The following TAFA2 variants were observed in gnomAD, a reference collection of about 807,000 sequenced individuals.
TAFA2 encodes the protein TAFA chemokine like family member 2.
Under a neutral mutation model 18.8 loss-of-function variants are expected in TAFA2, and 7 were observed. The ratio of observed to expected loss-of-function variants is 0.37; its 90% CI spans 0.21 to 0.70. TAFA2 has a LOEUF of 0.70. Among genes scored for constraint, TAFA2 ranks in the 30% least tolerant of loss-of-function variants. The pLI is 0.53. For missense variants in TAFA2, 122 were observed against 158.1 expected (o/e 0.77, Z 1.23); for synonymous variants, 60 against 54.2 (o/e 1.11, Z -0.47).
At chr12:62,205,566 G>T (rs886592355) in intron 1 of TAFA2, among the ~76,000 whole-genome samples, 2 of 152,212 alleles carry the variant, frequency 1.3e-5, no homozygotes, top group African/African-American at 4.8e-5. Flanking sequence ...ACCCAGTGAG[G>T]AGGGATGGGT....
chr12:61,804,079 C>T (rs1871510688), intron 2 of TAFA2, among the ~76,000 whole-genome samples: 1 of 151,896 alleles, frequency 6.6e-6, no homozygotes, highest in Non-Finnish European at 1.5e-5. Context: ...TTCAAAGATT[C>T]CTAGTCAAAA....
At chr12:61,955,558 C>T (rs1395727446) in intron 1 of TAFA2, among the ~76,000 whole-genome samples, 34 of 120,904 alleles carry the variant, frequency 2.8e-4, no homozygotes, top group Middle Eastern at 7.0e-3. Flanking sequence ...GCTAAGATCA[C>T]GCCACTGCAC....
At chr12:62,117,472 T>C (rs1330765281) in intron 1 of TAFA2, among the ~76,000 whole-genome samples, 30 of 152,232 alleles carry the variant, frequency 2.0e-4, no homozygotes, top group Admixed American at 2.0e-3. Context: ...AAATTCCACA[T>C]ATTGACTCAC....
chr12:62,193,656 T>TA (rs368936760), upstream of TAFA2, among the ~76,000 whole-genome samples: 253 of 152,350 alleles, frequency 1.7e-3, 1 homozygote, highest in African/African-American at 5.8e-3. Context: ...CCACCGATTT[T>TA]ATAAAGTTTT....
chr12:61,780,922 T>C (rs191709501), intron 2 of TAFA2, among the ~76,000 whole-genome samples: 328 of 151,892 alleles, frequency 2.2e-3, no homozygotes, highest in African/African-American at 7.4e-3. Context: ...ATCAACTGCT[T>C]GGACAGCTCA....
intron 1 of TAFA2, among the ~76,000 whole-genome samples, chr12:62,224,324 T>C (rs78127849): frequency 6.6e-6 from 1 of 152,132 alleles, no homozygotes; most frequent in East Asian, 1.9e-4. Context: ...GGGTGGCTTA[T>C]CAATAATAGA....
At chr12:61,813,934 T>C (rs1260580149) in intron 2 of TAFA2, among the ~76,000 whole-genome samples, 2 of 151,520 alleles carry the variant, frequency 1.3e-5, no homozygotes, top group Non-Finnish European at 2.9e-5. Context: ...TATTGAGACA[T>C]TCATTTGCAA....
At chr12:62,245,990 CTT>C (rs376867882) in intron 1 of TAFA2, among the ~76,000 whole-genome samples, 13 of 140,628 alleles carry the variant, frequency 9.2e-5, no homozygotes, top group Admixed American at 1.4e-4. Context: ...ATTGTTATTC[CTT>C]TTTTTTTTTT....
intron 4 of TAFA2, among the ~76,000 whole-genome samples, chr12:61,734,283 A>C (rs1868267824): frequency 6.8e-6 from 1 of 147,058 alleles, no homozygotes; most frequent in Non-Finnish European, 1.5e-5. Context: ...CAAATACCGC[A>C]TGTTCTCACT....
chr12:62,191,202 A>G (rs997460696), intron 1 of TAFA2, 57 bp downstream of exon 1: 6 of 151,586 alleles, frequency 4.0e-5, no homozygotes, highest in Non-Finnish European at 7.4e-5. Flanking sequence ...GCGGTCCTGC[A>G]GTTGCCGCTC....
At chr12:61,760,075 C>T (rs1291177895) in intron 2 of TAFA2, among the ~76,000 whole-genome samples, 7 of 137,746 alleles carry the variant, frequency 5.1e-5, no homozygotes, top group South Asian at 2.3e-4. Flanking sequence ...CTGCCCAGTG[C>T]TTTTTTTTTT....
rs181558760 is a variant in TAFA2, at chr12:61,867,337, C to A, written c.89G>T (p.Ser30Ile). The change falls in exon 2 of 5, where the codon AGT (serine) becomes ATT (isoleucine). Residue 30 changes from serine to isoleucine, a missense_variant. By Grantham distance (142) the Ser-to-Ile change is moderately radical. Around this residue, in one of 2 missense-constraint regions of TAFA2, gnomAD observed 62 missense variants for 55.5 expected, o/e 1.12. Transcript: ENST00000416284. ...IVTLWGKVVS[S>I]ANHHKAHHVK... ...AAGCTTACCTTTATGATGGTTTGCA[C>A]TGGATACAACTTTCCCCCACAAGGT... The A allele has an allele frequency of 1.7e-5, 27 of 1,597,766 alleles. No homozygotes were observed. In the Admixed American group the frequency reaches 4.6e-4, roughly 27 times the overall value.
At chr12:62,203,202 CTGTT>C (rs1565778497) in intron 1 of TAFA2, among the ~76,000 whole-genome samples, 2 of 152,192 alleles carry the variant, frequency 1.3e-5, no homozygotes. Context: ...GTCTGAGAGA[CTGTT>C]TGTTATGATT....
Position 62,099,676 on chromosome 12 carries a change from C to T in TAFA2, c.-2+91583G>A, listed in dbSNP as rs79772567. ...AAATTTTGCCAAGCATATGAGGAGG[C>T]AAATAATACACCAAGAGCCAGCAAT... is the stretch of plus-strand genomic sequence containing the variant. On this transcript the variant is annotated intron_variant, in intron 1 of 4. Coordinates refer to ENST00000416284, the MANE Select transcript of TAFA2 (RefSeq NM_178539.5). Among the ~76,000 whole-genome samples, 102 of 152,230 alleles carry T rather than the reference C, an allele frequency of 6.7e-4. No individual in the cohort carries two copies. The East Asian group carries it at 0.014, about 21-fold the overall frequency.
intron 1 of TAFA2, among the ~76,000 whole-genome samples, chr12:61,905,967 T>G (rs1876330952): frequency 6.6e-6 from 1 of 152,222 alleles, no homozygotes. Context: ...GTAATCATGT[T>G]GTTAACATAC....
At chr12:61,940,715 T>C (rs1239090159) in intron 1 of TAFA2, among the ~76,000 whole-genome samples, 2 of 152,156 alleles carry the variant, frequency 1.3e-5, no homozygotes, top group Non-Finnish European at 2.9e-5. Context: ...GCAATGGGCA[T>C]GCTGGTCAGT....
chr12:61,822,206 T>C (rs186310638), intron 2 of TAFA2, among the ~76,000 whole-genome samples: 1 of 152,286 alleles, frequency 6.6e-6, no homozygotes, highest in Admixed American at 6.5e-5. Flanking sequence ...TTCTCTTCAC[T>C]GAAGATGAAA....
intron 1 of TAFA2, among the ~76,000 whole-genome samples, chr12:62,126,392 A>T (rs1446303733): frequency 6.6e-6 from 1 of 152,054 alleles, no homozygotes; most frequent in African/African-American, 2.4e-5. Flanking sequence ...TTCGTTCCAG[A>T]TTAGCTGTTC....
intron 2 of TAFA2, among the ~76,000 whole-genome samples, chr12:61,844,638 T>G (rs894133152): frequency 6.6e-6 from 1 of 152,160 alleles, no homozygotes; most frequent in African/African-American, 2.4e-5. Context: ...ATAACAATTT[T>G]GTTCTGCTAA....
Sources: allele counts gnomAD v4.1 joint callset (sites outside exome capture counted in the v4.1 genomes callset), GRCh38; gene constraint gnomAD v4.1.1; regional missense constraint gnomAD v4.1.1; transcripts MANE v1.5; gene names NCBI Gene and HGNC (gene_info 2026-07-23, HGNC 2026-07-21).